Variants in ABCA1 observed in about 807,000 individuals in gnomAD.
ABCA1 encodes the protein phospholipid-transporting ATPase ABCA1.
A neutral mutation model predicts 262.5 loss-of-function variants in ABCA1; 133 were observed. That is an observed-to-expected ratio of 0.51 (90% CI 0.44 to 0.59). ABCA1 has a LOEUF of 0.59. ABCA1 is among the 20% of genes least tolerant of loss of function. The probability of loss-of-function intolerance (pLI) is 0.00; values close to 1 mark genes in which losing one functional copy is unlikely to be tolerated. For synonymous variants in ABCA1, 1,022 were observed against 1,043.5 expected (o/e 0.98, Z 0.40); for missense variants, 2,452 against 2,777.5 (o/e 0.88, Z 2.63).
In ABCA1 at chr9:104,862,073, CACAT is replaced by C. The variant is rs753637330; in HGVS notation, c.422-277_422-274del. Among the ~76,000 whole-genome samples the C allele has an allele frequency of 5.1e-3, 711 of 140,194 alleles. 6 individuals are homozygous for C. Among genetic ancestry groups the C allele is most frequent in the East Asian group, 0.042 (113 of 2,688 alleles). The allele number at this position is 140,194 out of a possible 152,430, so 92.0% of individuals were successfully genotyped here. ...TTACACACACACACACACACACACA[CACAT>C]ACACACACACACAGCCTTTCCTTTT... On this transcript the variant is annotated intron_variant, in intron 5 of 49. Coordinates refer to ENST00000374736, the MANE Select transcript of ABCA1 (RefSeq NM_005502.4).
At position 104,861,714 on chromosome 9, in the gene ABCA1, C is replaced by G; in HGVS notation, c.508G>C (p.Asp170His). 6.2e-7 allele frequency: 1 copy of G among 1,614,084 alleles called. No individual in the cohort carries two copies. Among genetic ancestry groups the G allele is most frequent in the South Asian group, 1.1e-5 (1 of 91,066 alleles). ...ATGACATCAGCCCTCAGCATCTTGT[C>G]CACAGTAGACTTTGGGAGAGAGAGG... Reference protein sequence around the residue: ...HNLSLPKSTVDKMLRADVILH... With the variant: ...HNLSLPKSTVHKMLRADVILH... Residue 170 changes from aspartate (D) to histidine (H), a missense_variant, in exon 6 of 50, where the codon GAC (aspartate) becomes CAC (histidine). This residue lies in a region of ABCA1 where 1,032 missense variants were observed against 1,089.7 expected (regional missense o/e 0.95). Coordinates refer to ENST00000374736, the MANE Select transcript of ABCA1 (RefSeq NM_005502.4).
intron 7 of ABCA1, chr9:104,855,889 G>GA: frequency 6.2e-7 from 1 of 1,612,876 alleles, no homozygotes; most frequent in Non-Finnish European, 8.5e-7. Context: ...TGGAAACAGG[G>GA]AAACACTCAC....
intron 39 of ABCA1, among the ~76,000 whole-genome samples, chr9:104,795,723 ATGGTAAAAGCCTTAG>A (rs1206750307): frequency 6.6e-6 from 1 of 152,212 alleles, no homozygotes; most frequent in Non-Finnish European, 1.5e-5. Flanking sequence ...AAGAGAGGTG[ATGGTAAAAGCCTTAG>A]GACTGAATGG....
intron 1 of ABCA1, among the ~76,000 whole-genome samples, chr9:104,920,518 T>G (rs1305939116): frequency 6.6e-6 from 1 of 151,992 alleles, no homozygotes; most frequent in Non-Finnish European, 1.5e-5. Context: ...AAAGCAAGAT[T>G]TTTGTTTTGT....
intron 5 of ABCA1, among the ~76,000 whole-genome samples, chr9:104,867,213 T>C (rs552512405): frequency 3.9e-5 from 6 of 152,240 alleles, no homozygotes; most frequent in African/African-American, 1.4e-4. Context: ...GAGTGGCAGC[T>C]AGAAGCAGAG....
chr9:104,851,396 C>T (rs969283629), intron 7 of ABCA1, among the ~76,000 whole-genome samples: 2 of 152,166 alleles, frequency 1.3e-5, no homozygotes, highest in Middle Eastern at 3.2e-3. Flanking sequence ...CACGTCTCAT[C>T]GTTCCTTCTC....
chr9:104,878,787 C>T (rs1440032348), intron 5 of ABCA1, among the ~76,000 whole-genome samples: 1 of 152,172 alleles, frequency 6.6e-6, no homozygotes, highest in South Asian at 2.1e-4. Flanking sequence ...AAATGATGCT[C>T]TAGCCAAGGA....
chr9:104,882,121 C>T (rs1405527750), intron 5 of ABCA1, among the ~76,000 whole-genome samples: 1 of 134,066 alleles, frequency 7.5e-6, no homozygotes. Context: ...AAATAGAAAA[C>T]AAACTGGTAG....
In ABCA1 at chr9:104,818,561, T is replaced by C. The variant is rs2020926; in HGVS notation, c.3462+102A>G. On this transcript the variant is annotated intron_variant, in intron 23 of 49. Coordinates refer to ENST00000374736, the MANE Select transcript of ABCA1 (RefSeq NM_005502.4). ...GGGCAACAGAGCAGGGAGATGGTGG[T>C]TTCAACATGGCAAAAGGGGTGGAGA... The C allele has an allele frequency of 0.077, 89,682 of 1,162,068 alleles. 5,189 individuals are homozygous for C. The highest frequency in any genetic ancestry group is 0.32 in the East Asian group (13,735 of 42,704). The allele number at this position is 1,162,068 out of a possible 1,614,324, so 72.0% of individuals were successfully genotyped here. A position where few individuals can be genotyped will look rare whatever the true frequency, so the allele number is the denominator to read the frequency against.
chr9:104,789,085 C>T (rs536775567), intron 44 of ABCA1, among the ~76,000 whole-genome samples: 7 of 152,322 alleles, frequency 4.6e-5, no homozygotes, highest in South Asian at 2.1e-4. Context: ...TCAGTGTTCA[C>T]GTTCCAGACT....
chr9:104,851,558 CTG>C (rs1170219311), intron 7 of ABCA1, among the ~76,000 whole-genome samples: 1 of 152,206 alleles, frequency 6.6e-6, no homozygotes, highest in African/African-American at 2.4e-5. Context: ...TGTTCTTTAC[CTG>C]GCTGACATCC....
At chr9:104,791,652 C>T (rs1829437021) in intron 43 of ABCA1, among the ~76,000 whole-genome samples, 1 of 152,158 alleles carries the variant, frequency 6.6e-6, no homozygotes, top group South Asian at 2.1e-4. Flanking sequence ...GTCTCAATCT[C>T]CTGACCTCGT....
intron 1 of ABCA1, among the ~76,000 whole-genome samples, chr9:104,926,974 G>A (rs1347903781): frequency 1.3e-5 from 2 of 151,904 alleles, no homozygotes; most frequent in South Asian, 2.1e-4. Context: ...CACTTGGGGA[G>A]GCCGAGGCCG....
At chr9:104,786,811 G>C (rs1044679241) in intron 47 of ABCA1, 62 bp downstream of exon 47, 2 of 1,373,962 alleles carry the variant, frequency 1.5e-6, no homozygotes, top group Non-Finnish European at 1.0e-6. Flanking sequence ...CAAAATGATC[G>C]CATATTCTAC....
At chr9:104,871,110 A>AT in intron 5 of ABCA1, among the ~76,000 whole-genome samples, 1 of 152,322 alleles carries the variant, frequency 6.6e-6, no homozygotes, top group Middle Eastern at 3.4e-3. Context: ...GAGGACCCCT[A>AT]TAAAAGGGCT....
At chr9:104,859,002 G>T (rs1330726379) in intron 6 of ABCA1, among the ~76,000 whole-genome samples, 2 of 152,194 alleles carry the variant, frequency 1.3e-5, no homozygotes, top group African/African-American at 4.8e-5. Flanking sequence ...TGGGACACAT[G>T]ATTTGGCAAA....
At chr9:104,830,518 C>T (rs1401578728) in intron 14 of ABCA1, among the ~76,000 whole-genome samples, 1 of 151,870 alleles carries the variant, frequency 6.6e-6, no homozygotes, top group Non-Finnish European at 1.5e-5. Context: ...GGTGAAACCT[C>T]GTCTCTACTA....
intron 31 of ABCA1, among the ~76,000 whole-genome samples, chr9:104,805,561 C>CT (rs1308997882): frequency 2.0e-5 from 3 of 152,164 alleles, no homozygotes; most frequent in Non-Finnish European, 2.9e-5. Flanking sequence ...AACAGAGTCT[C>CT]TAAGAATACC....
At chr9:104,790,892 C>T (rs750571439) in intron 44 of ABCA1, 30 bp downstream of exon 44, 17 of 1,430,028 alleles carry the variant, frequency 1.2e-5, no homozygotes, top group Non-Finnish European at 1.7e-5. Context: ...AAAGTCTTTG[C>T]AGCAAAATAC....
Sources: allele counts gnomAD v4.1 joint callset (sites outside exome capture counted in the v4.1 genomes callset), GRCh38; gene constraint gnomAD v4.1.1; regional missense constraint gnomAD v4.1.1; transcripts MANE v1.5; gene names NCBI Gene and HGNC (gene_info 2026-07-23, HGNC 2026-07-21).